The following PDE4B variants were observed in gnomAD, a reference collection of about 807,000 sequenced individuals.
PDE4B encodes the protein phosphodiesterase 4B, also known as 3',5'-cyclic-AMP phosphodiesterase 4B.
Under a neutral mutation model 82.2 loss-of-function variants are expected in PDE4B, and 20 were observed. The observed-to-expected ratio is 0.24, with a 90% CI of 0.17 to 0.35. The LOEUF is 0.35. Ranked by LOEUF, PDE4B falls within the 10% of genes least tolerant of loss-of-function variation. PDE4B has a pLI of 1.00. For missense variants in PDE4B, 655 were observed against 907.2 expected, an observed-to-expected ratio of 0.72 and a Z score of 3.57; for synonymous variants, 320 against 318.9, an observed-to-expected ratio of 1.00 and a Z score of -0.04.
chr1:65,999,288 G>T lies in PDE4B; in HGVS notation c.281+80453G>T, dbSNP rs139173124. On this transcript the variant is annotated intron_variant, in intron 3 of 16. Transcript: ENST00000341517. ...ACTGTCAATGCACTTGCAACATTAT[G>T]CTAGAAGCATTTAAGCGATTTCTTA... Among the ~76,000 whole-genome samples, 20 of 152,216 alleles carry T rather than the reference G, an allele frequency of 1.3e-4. No homozygotes were observed. The East Asian group carries it at 3.7e-3, about 28-fold the overall frequency.
At chr1:66,356,361 C>G (rs977266880) in intron 9 of PDE4B, among the ~76,000 whole-genome samples, 2 of 152,178 alleles carry the variant, frequency 1.3e-5, no homozygotes, top group Non-Finnish European at 2.9e-5. Context: ...TTTTTGAATT[C>G]AGTCTTAAAG....
intron 7 of PDE4B, among the ~76,000 whole-genome samples, chr1:66,277,228 G>A (rs944023240): frequency 2.1e-4 from 32 of 152,176 alleles, no homozygotes; most frequent in African/African-American, 7.7e-4. Flanking sequence ...AGTAAGGGAC[G>A]CAGCCACAGA....
At chr1:66,104,194 T>G (rs1273301481) in intron 3 of PDE4B, among the ~76,000 whole-genome samples, 1 of 151,434 alleles carries the variant, frequency 6.6e-6, no homozygotes, top group Non-Finnish European at 1.5e-5. Flanking sequence ...TGGTGTTTGG[T>G]TTTTTGTTCT....
chr1:66,349,207 C>T (rs1170356866), intron 8 of PDE4B, among the ~76,000 whole-genome samples: 1 of 152,086 alleles, frequency 6.6e-6, no homozygotes, highest in Non-Finnish European at 1.5e-5. Flanking sequence ...TGGTTTTTCC[C>T]TGCTTTGCCT....
chr1:66,257,370 T>G, intron 4 of PDE4B: 1 of 568,418 alleles, frequency 1.8e-6, no homozygotes, highest in Non-Finnish European at 3.3e-6. Flanking sequence ...GATCTGTTAT[T>G]TAATGGGAAT....
intron 1 of PDE4B, among the ~76,000 whole-genome samples, chr1:65,795,618 C>T (rs1046230276): frequency 6.6e-6 from 1 of 152,222 alleles, no homozygotes; most frequent in African/African-American, 2.4e-5. Context: ...AAGGTCACAC[C>T]CCTTTCCAGC....
intron 7 of PDE4B, among the ~76,000 whole-genome samples, chr1:66,325,116 A>G (rs1443478613): frequency 1.3e-5 from 2 of 152,218 alleles, no homozygotes; most frequent in African/African-American, 4.8e-5. Flanking sequence ...TTATTGCACT[A>G]TGGGAAGGAA....
intron 3 of PDE4B, among the ~76,000 whole-genome samples, chr1:66,082,005 C>A (rs1656766562): frequency 6.6e-6 from 1 of 151,890 alleles, no homozygotes; most frequent in Non-Finnish European, 1.5e-5. Context: ...TTTAGATGGA[C>A]TAATATATTT....
chr1:65,797,544 C>T (rs1301592730), intron 1 of PDE4B, among the ~76,000 whole-genome samples: 3 of 152,256 alleles, frequency 2.0e-5, no homozygotes, highest in South Asian at 4.2e-4. Flanking sequence ...CCTGGTTTGT[C>T]TGGTGCTTCC....
At chr1:66,325,512 C>A (rs919030736) in intron 7 of PDE4B, among the ~76,000 whole-genome samples, 2 of 152,192 alleles carry the variant, frequency 1.3e-5, no homozygotes, top group Non-Finnish European at 2.9e-5. Flanking sequence ...CTATACAATT[C>A]TCCACATCTG....
chr1:66,095,099 T>G (rs1028630847), intron 3 of PDE4B, among the ~76,000 whole-genome samples: 1 of 151,986 alleles, frequency 6.6e-6, no homozygotes, highest in Non-Finnish European at 1.5e-5. Flanking sequence ...TTAATTACTA[T>G]TCTGTGCTAC....
chr1:65,807,535 A>G (rs1429921200), intron 1 of PDE4B, among the ~76,000 whole-genome samples: 1 of 152,224 alleles, frequency 6.6e-6, no homozygotes, highest in Non-Finnish European at 1.5e-5. Context: ...GCTTTTTGAC[A>G]TAAACTTTTC....
intron 6 of PDE4B, among the ~76,000 whole-genome samples, chr1:66,258,362 TG>T (rs1274612634): frequency 6.6e-6 from 1 of 152,256 alleles, no homozygotes; most frequent in African/African-American, 2.4e-5. Context: ...ATTAATTATA[TG>T]ATCTTGGCAT....
At chr1:66,196,666 G>A (rs1648322938) in intron 3 of PDE4B, among the ~76,000 whole-genome samples, 1 of 152,046 alleles carries the variant, frequency 6.6e-6, no homozygotes, top group African/African-American at 2.4e-5. Flanking sequence ...GTAGGGACAT[G>A]GATGAAATTG....
At chr1:66,152,248 A>G (rs1379534687) in intron 3 of PDE4B, 3 of 156,450 alleles carry the variant, frequency 1.9e-5, no homozygotes, top group African/African-American at 7.2e-5. Flanking sequence ...GAAGCTTTTC[A>G]ATGACAAGCT....
At chr1:66,207,270 T>A (rs1219437915) in intron 3 of PDE4B, among the ~76,000 whole-genome samples, 2 of 152,228 alleles carry the variant, frequency 1.3e-5, no homozygotes, top group African/African-American at 2.4e-5. Flanking sequence ...AAATTTATAA[T>A]GATATTGTTA....
intron 3 of PDE4B, among the ~76,000 whole-genome samples, chr1:66,087,673 G>GC (rs1657077321): frequency 6.6e-6 from 1 of 151,944 alleles, no homozygotes; most frequent in Non-Finnish European, 1.5e-5. Flanking sequence ...ATACACCATG[G>GC]AATACTATGC....
At chr1:66,055,407 G>C (rs957602715) in intron 3 of PDE4B, among the ~76,000 whole-genome samples, 2 of 152,156 alleles carry the variant, frequency 1.3e-5, no homozygotes, top group African/African-American at 4.8e-5. Context: ...AATAGATAAA[G>C]GATTAATAAA....
In PDE4B at chr1:66,139,735, CAAA is replaced by C. The variant is rs10654385; in HGVS notation, c.282-107710_282-107708del. ...ACTTAAATAATTCCCCCTCCCCCCTCAAAAAAAAAAAAAAAAACAAAAAACAAC... is the reference window on the plus strand; with the variant it reads ...ACTTAAATAATTCCCCCTCCCCCCTCAAAAAAAAAAAAAACAAAAAACAAC... On this transcript the variant is annotated intron_variant, in intron 3 of 16. Coordinates refer to ENST00000341517, the MANE Select transcript of PDE4B (RefSeq NM_002600.4). 2.2e-3 allele frequency among the ~76,000 whole-genome samples: 216 copies of C among 100,030 alleles called. 4 individuals carry two copies. Among genetic ancestry groups the C allele is most frequent in the African/African-American group, 6.4e-3 (173 of 26,826 alleles). 65.6% of individuals were successfully genotyped at this position (100,030 alleles called of 152,430 possible).
Sources: allele counts gnomAD v4.1 joint callset (sites outside exome capture counted in the v4.1 genomes callset), GRCh38; gene constraint gnomAD v4.1.1; transcripts MANE v1.5; gene names NCBI Gene and HGNC (gene_info 2026-07-23, HGNC 2026-07-21).